The following ANKS1B variants were observed in gnomAD, a reference collection of about 807,000 sequenced individuals.
ANKS1B encodes the protein ankyrin repeat and sterile alpha motif domain-containing protein 1B.
In ANKS1B, 36 loss-of-function variants were observed where a neutral mutation model predicts 148.3. The ratio of observed to expected loss-of-function variants is 0.24; its 90% CI spans 0.19 to 0.32. The LOEUF (loss-of-function observed/expected upper bound fraction) is 0.32. Ranked by LOEUF, ANKS1B falls within the 10% of genes least tolerant of loss-of-function variation. The pLI is 1.00. For synonymous variants in ANKS1B, 542 were observed against 560.8 expected, an observed-to-expected ratio of 0.97 and a Z score of 0.47; for missense variants, 1,157 against 1,542.6, an observed-to-expected ratio of 0.75 and a Z score of 4.19.
rs186819071 is a variant in ANKS1B at position 99,375,289 on chromosome 12, T to C, written c.1756+24342A>G. Among the ~76,000 whole-genome samples the C allele has an allele frequency of 2.8e-3, 428 of 152,324 alleles. 2 individuals carry two copies. Among genetic ancestry groups the C allele is most frequent in the Non-Finnish European group, 4.1e-3 (279 of 68,026 alleles). On this transcript the variant is annotated intron_variant, in intron 12 of 26. Transcript: ENST00000683438. ...AGCAATCTTCCTTAATTGCCCAATA[T>C]GCCCTGGGAGGAAGGGGTAAAATCA... is the stretch of plus-strand genomic sequence containing the variant.
intron 8 of ANKS1B, among the ~76,000 whole-genome samples, chr12:99,756,463 T>A (rs560926228): frequency 3.9e-5 from 6 of 152,080 alleles, no homozygotes; most frequent in Non-Finnish European, 7.4e-5. Context: ...TCCATGCTAA[T>A]GGATAGGAAG....
chr12:99,219,274 T>A (rs1009603150), intron 14 of ANKS1B, among the ~76,000 whole-genome samples: 8 of 152,198 alleles, frequency 5.3e-5, no homozygotes, highest in African/African-American at 1.9e-4. Flanking sequence ...CCCTTTGACA[T>A]GTAAATCTTC....
chr12:99,215,275 C>T (rs1482210665), intron 14 of ANKS1B, among the ~76,000 whole-genome samples: 1 of 152,198 alleles, frequency 6.6e-6, no homozygotes, highest in African/African-American at 2.4e-5. Flanking sequence ...GATGTCCAGG[C>T]AGAGGTGTGC....
intron 14 of ANKS1B, among the ~76,000 whole-genome samples, chr12:99,220,795 T>C (rs573214279): frequency 6.6e-6 from 1 of 152,228 alleles, no homozygotes; most frequent in South Asian, 2.1e-4. Flanking sequence ...TATTAATTCA[T>C]TCAATAATAC....
In ANKS1B at chr12:99,679,181, T is replaced by C. The variant is rs367760030; in HGVS notation, c.1129-23971A>G. 9.2e-5 allele frequency among the ~76,000 whole-genome samples: 14 copies of C among 152,330 alleles called. 1 individual carries two copies. Among genetic ancestry groups the C allele is most frequent in the Middle Eastern group, 3.4e-3 (1 of 294 alleles). ...AATGGGATAAAAACAAATGAAGATG[T>C]GATCAAAGAAATAATAAACAAAAGC... On this transcript the variant is annotated intron_variant, in intron 8 of 26. Transcript: ENST00000683438.
intron 9 of ANKS1B, among the ~76,000 whole-genome samples, chr12:99,551,558 GGGAGGGGAGGGGAGA>G (rs1301138146): frequency 1.7e-5 from 2 of 114,730 alleles, no homozygotes; most frequent in African/African-American, 3.4e-5. Context: ...GGGAGGGGAG[GGGAGGGGAGGGGAGA>G]GGAAGAATAC....
intron 17 of ANKS1B, among the ~76,000 whole-genome samples, chr12:98,993,782 T>C (rs767582043): frequency 3.9e-5 from 6 of 152,230 alleles, no homozygotes; most frequent in Non-Finnish European, 8.8e-5. Flanking sequence ...CTGTGAATTA[T>C]AGAATACTTT....
At chr12:98,865,597 G>A (rs748593247) in intron 17 of ANKS1B, among the ~76,000 whole-genome samples, 35 of 152,268 alleles carry the variant, frequency 2.3e-4, no homozygotes, top group African/African-American at 5.8e-4. Flanking sequence ...GTGAATAAAC[G>A]AGACAGGGAA....
intron 8 of ANKS1B, among the ~76,000 whole-genome samples, chr12:99,663,730 C>T (rs2098489981): frequency 6.6e-6 from 1 of 152,062 alleles, no homozygotes; most frequent in South Asian, 2.1e-4. Flanking sequence ...AAATGTATTT[C>T]ACATTTATTG....
At position 98,780,570 on chromosome 12, in the gene ANKS1B, A is replaced by G. The variant is rs191080655; in HGVS notation, c.3441+547T>C. ...CTCTTTTCTGATTGTGTCTCTTAAGAAAACAGTACAGCTGAAACTCTCTCC... is the reference window on the plus strand; with the variant it reads ...CTCTTTTCTGATTGTGTCTCTTAAGGAAACAGTACAGCTGAAACTCTCTCC... On this transcript the variant is annotated intron_variant, in intron 24 of 26. Transcript: ENST00000683438. 5.3e-5 allele frequency among the ~76,000 whole-genome samples: 8 copies of G among 152,344 alleles called. No homozygotes were observed. In the East Asian group the frequency reaches 1.4e-3, roughly 26 times the overall value.
chr12:99,346,582 A>C (rs571861951), intron 12 of ANKS1B, among the ~76,000 whole-genome samples: 7 of 152,090 alleles, frequency 4.6e-5, no homozygotes, highest in African/African-American at 1.7e-4. Flanking sequence ...GGAGACTCCA[A>C]TAGCCTTACT....
At chr12:99,680,607 C>A (rs2098608751) in intron 8 of ANKS1B, among the ~76,000 whole-genome samples, 1 of 152,080 alleles carries the variant, frequency 6.6e-6, no homozygotes, top group Admixed American at 6.5e-5. Flanking sequence ...TTTGACCAAG[C>A]ATGAATTTTC....
intron 17 of ANKS1B, among the ~76,000 whole-genome samples, chr12:99,001,858 G>A (rs1324371921): frequency 1.3e-5 from 2 of 152,128 alleles, no homozygotes; most frequent in Non-Finnish European, 2.9e-5. Flanking sequence ...GTTTCTAAGA[G>A]TTCAACTTTT....
chr12:99,115,512 AT>A (rs1566175974), intron 15 of ANKS1B, among the ~76,000 whole-genome samples: 1 of 152,152 alleles, frequency 6.6e-6, no homozygotes, highest in Non-Finnish European at 1.5e-5. Flanking sequence ...AAAAATAACT[AT>A]TGGGTACTAG....
intron 12 of ANKS1B, among the ~76,000 whole-genome samples, chr12:99,295,794 GT>G (rs2080791428): frequency 6.6e-6 from 1 of 152,062 alleles, no homozygotes; most frequent in Admixed American, 6.6e-5. Context: ...AGTGTGTACT[GT>G]TCCCCTCTAT....
At chr12:99,860,960 A>C (rs548257914) in intron 1 of ANKS1B, among the ~76,000 whole-genome samples, 106 of 152,340 alleles carry the variant, frequency 7.0e-4, no homozygotes, top group African/African-American at 2.4e-3. Flanking sequence ...AACCCAAATT[A>C]GTACATAAAC....
rs550863269 is a variant in ANKS1B at position 99,551,929 on chromosome 12, A to C, written c.1273-47288T>G. On this transcript the variant is annotated intron_variant, in intron 9 of 26. Transcript: ENST00000683438. The stretch of plus-strand genomic sequence containing the variant: ...GACTCCTGCTTGCCTCTCCAGATTT[A>C]AGGGCCACCTCCCCCCACCACACAC... Among the ~76,000 whole-genome samples the C allele has an allele frequency of 7.9e-5, 12 of 152,138 alleles. No individual in the cohort carries two copies. In the East Asian group the frequency reaches 2.1e-3, roughly 27 times the overall value.
At chr12:99,193,401 G>T (rs2080987378) in intron 14 of ANKS1B, among the ~76,000 whole-genome samples, 1 of 150,780 alleles carries the variant, frequency 6.6e-6, no homozygotes, top group South Asian at 2.2e-4. Flanking sequence ...AAGAGGTCCT[G>T]GTAAGTTCCT....
intron 11 of ANKS1B, among the ~76,000 whole-genome samples, chr12:99,404,003 A>G (rs997561399): frequency 6.8e-6 from 1 of 146,656 alleles, no homozygotes; most frequent in South Asian, 2.1e-4. Context: ...GCCATAAAAA[A>G]GAATTAGATC....
Sources: allele counts gnomAD v4.1 joint callset (sites outside exome capture counted in the v4.1 genomes callset), GRCh38; gene constraint gnomAD v4.1.1; transcripts MANE v1.5; gene names NCBI Gene and HGNC (gene_info 2026-07-23, HGNC 2026-07-21).